GABRG2: variants seen among roughly 807,000 people sequenced by gnomAD.
GABRG2 encodes the protein gamma-aminobutyric acid receptor subunit gamma-2.
In GABRG2, 16 loss-of-function variants were observed where a neutral mutation model predicts 56.4. The observed-to-expected ratio is 0.28, with a 90% CI of 0.19 to 0.43. The LOEUF (loss-of-function observed/expected upper bound fraction) is 0.43. GABRG2 is among the 20% of genes least tolerant of loss of function. The pLI, the probability that GABRG2 is intolerant of heterozygous loss-of-function variation, is 1.00. For missense variants in GABRG2, 327 were observed against 582.7 expected (o/e 0.56, Z 4.52); for synonymous variants, 208 against 205.5 (o/e 1.01, Z -0.10).
intron 1 of GABRG2, among the ~76,000 whole-genome samples, chr5:162,081,218 T>G (rs1259892619): frequency 1.3e-5 from 2 of 152,058 alleles, no homozygotes; most frequent in African/African-American, 4.8e-5. Context: ...CCAAAAAATT[T>G]TTTAAAATTT....
At chr5:162,149,833 C>G in intron 8 of GABRG2, 1 of 343,882 alleles carries the variant, frequency 2.9e-6, no homozygotes, top group South Asian at 2.3e-5. Flanking sequence ...AGGCTGGTCT[C>G]GAACTCCTGA....
intron 6 of GABRG2, among the ~76,000 whole-genome samples, chr5:162,113,316 T>C (rs982751729): frequency 1.3e-5 from 2 of 152,268 alleles, no homozygotes; most frequent in Admixed American, 6.5e-5. Flanking sequence ...GAAAAACACA[T>C]CATAGATGTC....
At chr5:162,115,448 CGT>C (rs1199005150) in intron 6 of GABRG2, among the ~76,000 whole-genome samples, 1 of 152,040 alleles carries the variant, frequency 6.6e-6, no homozygotes, top group Non-Finnish European at 1.5e-5. Context: ...TTGTCTGTCC[CGT>C]GTGGAGATCT....
chr5:162,125,477 A>C (rs1205594676), intron 6 of GABRG2, among the ~76,000 whole-genome samples: 2 of 143,764 alleles, frequency 1.4e-5, no homozygotes, highest in African/African-American at 3.0e-5. Flanking sequence ...GCAAATGTAG[A>C]TAGCAGCTTC....
At chr5:162,151,694 C>A in intron 8 of GABRG2, 36 bp from the exon 9 acceptor site, 2 of 1,553,204 alleles carry the variant, frequency 1.3e-6, no homozygotes, top group Non-Finnish European at 1.8e-6. Context: ...TTATTAAAAA[C>A]AAATGCAATT....
intron 1 of GABRG2, among the ~76,000 whole-genome samples, chr5:162,075,595 C>A (rs1759032420): frequency 6.6e-6 from 1 of 152,118 alleles, no homozygotes; most frequent in South Asian, 2.1e-4. Flanking sequence ...CCTTTCATAG[C>A]ATGCCTAGCC....
intron 9 of GABRG2, chr5:162,152,685 A>G: frequency 2.6e-6 from 1 of 390,486 alleles, no homozygotes. Context: ...AGCATGACAC[A>G]ATATTTGATT....
intron 6 of GABRG2, among the ~76,000 whole-genome samples, chr5:162,131,712 A>C (rs1763770632): frequency 6.6e-6 from 1 of 152,050 alleles, no homozygotes; most frequent in Admixed American, 6.6e-5. Flanking sequence ...ATCAATCCAC[A>C]AGATAGCATC....
chr5:162,093,796 A>C, intron 1 of GABRG2, 32 bp from the exon 2 acceptor site: 1 of 1,601,686 alleles, frequency 6.2e-7, no homozygotes, highest in Non-Finnish European at 8.6e-7. Context: ...TGTGTAATCT[A>C]TGTGTTTTTT....
At chr5:162,085,513 A>G (rs1408563779) in intron 1 of GABRG2, among the ~76,000 whole-genome samples, 2 of 146,318 alleles carry the variant, frequency 1.4e-5, no homozygotes, top group Non-Finnish European at 3.0e-5. Flanking sequence ...TCTTGTGTTA[A>G]CCTTGGCTTG....
intron 6 of GABRG2, among the ~76,000 whole-genome samples, chr5:162,125,436 T>A (rs1763275015): frequency 6.7e-6 from 1 of 148,500 alleles, no homozygotes; most frequent in Non-Finnish European, 1.5e-5. Flanking sequence ...CCCACCAAGA[T>A]TTTGGATTAT....
chr5:162,143,512 T>G (rs1332229435), intron 7 of GABRG2, among the ~76,000 whole-genome samples: 1 of 152,080 alleles, frequency 6.6e-6, no homozygotes, highest in African/African-American at 2.4e-5. Flanking sequence ...TTTTAAAACC[T>G]TAACTAAAAA....
chr5:162,139,701 A>C (rs1764412070), intron 6 of GABRG2, among the ~76,000 whole-genome samples: 1 of 152,224 alleles, frequency 6.6e-6, no homozygotes, highest in Admixed American at 6.5e-5. Flanking sequence ...ATTCACTTAC[A>C]TGATAAGGTA....
intron 6 of GABRG2, among the ~76,000 whole-genome samples, chr5:162,138,368 TC>T (rs1165942748): frequency 2.0e-5 from 3 of 152,168 alleles, no homozygotes. Flanking sequence ...TGGAATTATG[TC>T]CCCAATTCAA....
intron 6 of GABRG2, among the ~76,000 whole-genome samples, chr5:162,115,888 G>A (rs1762581298): frequency 6.6e-6 from 1 of 151,976 alleles, no homozygotes; most frequent in South Asian, 2.1e-4. Flanking sequence ...ACATTGTGAA[G>A]CACTTTCTAT....
chr5:162,153,377 G>A lies in GABRG2; in HGVS notation c.*9G>A. 6.2e-7 allele frequency: 1 copy of A among 1,613,732 alleles called. No homozygotes were observed. Among genetic ancestry groups the A allele is most frequent in the Non-Finnish European group, 8.5e-7 (1 of 1,179,720 alleles). On this transcript the variant is annotated 3_prime_UTR_variant, in exon 10 of 10. Coordinates refer to ENST00000639213, the MANE Select transcript of GABRG2 (RefSeq NM_198904.4). ...CCTACCTCTACCTGTGAGGAGGTAT[G>A]GGTTTTACTGATATGGTTCTTATTC...
At chr5:162,150,026 G>T (rs545075273) in intron 8 of GABRG2, 1 of 174,750 alleles carries the variant, frequency 5.7e-6, no homozygotes, top group Admixed American at 5.5e-5. Flanking sequence ...TTTTGCAAAT[G>T]ATTTAGTGTG....
At chr5:162,130,377 A>C (rs1238183758) in intron 6 of GABRG2, among the ~76,000 whole-genome samples, 1 of 151,838 alleles carries the variant, frequency 6.6e-6, no homozygotes, top group Non-Finnish European at 1.5e-5. Context: ...GAATTTGAAC[A>C]ATTATTTTTT....
chr5:162,151,122 T>C (rs1765340574), intron 8 of GABRG2: 1 of 153,030 alleles, frequency 6.5e-6, no homozygotes, highest in Non-Finnish European at 1.5e-5. Context: ...AGCTACGCCA[T>C]TGCAGAGTAG....
Sources: allele counts gnomAD v4.1 joint callset (sites outside exome capture counted in the v4.1 genomes callset), GRCh38; gene constraint gnomAD v4.1.1; transcripts MANE v1.5; gene names NCBI Gene and HGNC (gene_info 2026-07-23, HGNC 2026-07-21).